GPC6: variants seen among roughly 807,000 people sequenced by gnomAD.
The protein encoded by GPC6 is glypican-6.
A neutral mutation model predicts 55.2 loss-of-function variants in GPC6; 14 were observed. The ratio of observed to expected loss-of-function variants is 0.25; its 90% CI spans 0.17 to 0.40. GPC6 has a LOEUF of 0.40. Ranked by LOEUF, GPC6 falls within the 10% of genes least tolerant of loss-of-function variation. The pLI is 1.00. For missense variants in GPC6, 641 were observed against 708.5 expected, an observed-to-expected ratio of 0.90 and a Z score of 1.08; for synonymous variants, 278 against 259.6, an observed-to-expected ratio of 1.07 and a Z score of -0.68.
intron 3 of GPC6, among the ~76,000 whole-genome samples, chr13:93,881,956 G>C (rs1875005910): frequency 6.6e-6 from 1 of 151,968 alleles, no homozygotes; most frequent in Non-Finnish European, 1.5e-5. Flanking sequence ...TAACCGAGGA[G>C]AGTATGATCC....
chr13:93,780,973 C>T (rs1401269755), intron 2 of GPC6, among the ~76,000 whole-genome samples: 1 of 152,014 alleles, frequency 6.6e-6, no homozygotes, highest in Admixed American at 6.6e-5. Flanking sequence ...AAGGGTCTTA[C>T]AGACTAAAAG....
At chr13:93,552,246 A>T (rs1052316358) in intron 2 of GPC6, among the ~76,000 whole-genome samples, 1 of 152,244 alleles carries the variant, frequency 6.6e-6, no homozygotes, top group Admixed American at 6.5e-5. Flanking sequence ...CAAAGGGCAG[A>T]TCTTCCAAAA....
chr13:93,413,628 A>T (rs931134477), intron 1 of GPC6, among the ~76,000 whole-genome samples: 1 of 151,784 alleles, frequency 6.6e-6, no homozygotes, highest in Admixed American at 6.6e-5. Flanking sequence ...TTATTCAGTA[A>T]TGCAATCATA....
At chr13:93,475,417 T>A (rs1461697284) in intron 1 of GPC6, among the ~76,000 whole-genome samples, 1 of 146,478 alleles carries the variant, frequency 6.8e-6, no homozygotes, top group African/African-American at 2.5e-5. Context: ...TACCTTAATT[T>A]ACGTTTCATT....
chr13:93,797,849 TGTGAAATGTTCTGG>T (rs879843037), intron 2 of GPC6, among the ~76,000 whole-genome samples: 81 of 152,298 alleles, frequency 5.3e-4, no homozygotes, highest in Non-Finnish European at 7.2e-4. Flanking sequence ...GTTTCGAACA[TGTGAAATGTTCTGG>T]GTCTCTATTT....
intron 4 of GPC6, among the ~76,000 whole-genome samples, chr13:94,086,553 CAT>C (rs1477359476): frequency 6.6e-6 from 1 of 151,996 alleles, no homozygotes. Flanking sequence ...AGTGGAAGCA[CAT>C]GACTTAGTGA....
chr13:94,194,550 A>G (rs1292561530), intron 4 of GPC6, among the ~76,000 whole-genome samples: 1 of 152,176 alleles, frequency 6.6e-6, no homozygotes, highest in Admixed American at 6.6e-5. Flanking sequence ...GGGCTAAGCT[A>G]TGAGGATGCA....
At chr13:94,156,392 C>A (rs1273578781) in intron 4 of GPC6, among the ~76,000 whole-genome samples, 2 of 151,856 alleles carry the variant, frequency 1.3e-5, no homozygotes, top group Non-Finnish European at 2.9e-5. Context: ...CATATAGATA[C>A]AGATATAGAG....
In GPC6 at chr13:93,582,172, A is replaced by G. The variant is rs1238874049; in HGVS notation, c.319+36751A>G. Among the ~76,000 whole-genome samples, 3 of 152,206 alleles carry G rather than the reference A, an allele frequency of 2.0e-5. No individual in the cohort carries two copies. In the East Asian group the frequency reaches 5.8e-4, roughly 29 times the overall value. On this transcript the variant is annotated intron_variant, in intron 2 of 8. Transcript: ENST00000377047. ...ATTTTTAGTTTTAAATAACAATATA[A>G]GTGAAAATCTTTTGCCAACAATAAA...
intron 2 of GPC6, among the ~76,000 whole-genome samples, chr13:93,683,983 C>G (rs950639984): frequency 6.6e-6 from 1 of 152,076 alleles, no homozygotes; most frequent in Non-Finnish European, 1.5e-5. Flanking sequence ...AAGAAGCAAG[C>G]TCTCTCATGA....
At chr13:93,650,786 T>C (rs1433954192) in intron 2 of GPC6, among the ~76,000 whole-genome samples, 1 of 152,202 alleles carries the variant, frequency 6.6e-6, no homozygotes, top group East Asian at 1.9e-4. Flanking sequence ...GTCCAAATAA[T>C]TGACTATATA....
intron 7 of GPC6, among the ~76,000 whole-genome samples, chr13:94,389,714 C>T (rs1169262569): frequency 1.3e-5 from 2 of 152,208 alleles, no homozygotes; most frequent in Non-Finnish European, 1.5e-5. Flanking sequence ...CCAAGTCCCA[C>T]TGGCACACAT....
At chr13:93,997,606 T>TGTGTGTGTGTGTGTGTGC (rs1210950116) in intron 3 of GPC6, among the ~76,000 whole-genome samples, 1 of 151,610 alleles carries the variant, frequency 6.6e-6, no homozygotes, top group South Asian at 2.1e-4. Context: ...TGTGTGTGTG[T>TGTGTGTGTGTGTGTGTGC]GCATGCACGC....
chr13:94,099,667 T>C (rs1161220055), intron 4 of GPC6, among the ~76,000 whole-genome samples: 1 of 152,232 alleles, frequency 6.6e-6, no homozygotes, highest in Non-Finnish European at 1.5e-5. Flanking sequence ...TTTGCTATTT[T>C]ATCTTTTTTT....
At chr13:93,309,388 A>G (rs1055645277) in intron 1 of GPC6, among the ~76,000 whole-genome samples, 1 of 151,990 alleles carries the variant, frequency 6.6e-6, no homozygotes, top group Non-Finnish European at 1.5e-5. Context: ...GCATGAATAT[A>G]CACATTTATG....
chr13:94,354,190 C>T (rs1198351952), intron 6 of GPC6, among the ~76,000 whole-genome samples: 1 of 151,994 alleles, frequency 6.6e-6, no homozygotes, highest in East Asian at 1.9e-4. Flanking sequence ...TTCTGCTCTC[C>T]AAGGAATGAA....
At chr13:93,965,307 A>G (rs1040407861) in intron 3 of GPC6, among the ~76,000 whole-genome samples, 3 of 151,878 alleles carry the variant, frequency 2.0e-5, no homozygotes, top group Non-Finnish European at 4.4e-5. Flanking sequence ...GCTACTCGGG[A>G]GGCTGAGGCA....
intron 7 of GPC6, among the ~76,000 whole-genome samples, chr13:94,390,970 C>A (rs1338082752): frequency 6.6e-6 from 1 of 152,158 alleles, no homozygotes; most frequent in Non-Finnish European, 1.5e-5. Flanking sequence ...TTCCTGAAAA[C>A]TGGCTCGTGA....
intron 4 of GPC6, among the ~76,000 whole-genome samples, chr13:94,231,931 A>G (rs1890741745): frequency 6.6e-6 from 1 of 152,286 alleles, no homozygotes; most frequent in Non-Finnish European, 1.5e-5. Context: ...ATCAAAAAAG[A>G]AAAAGAAAAA....
Sources: allele counts gnomAD v4.1 joint callset (sites outside exome capture counted in the v4.1 genomes callset), GRCh38; gene constraint gnomAD v4.1.1; transcripts MANE v1.5; gene names NCBI Gene and HGNC (gene_info 2026-07-23, HGNC 2026-07-21).